The following EPB41L4A variants were observed in gnomAD, a reference collection of about 807,000 sequenced individuals.
EPB41L4A encodes band 4.1-like protein 4A.
A neutral mutation model predicts 108.6 loss-of-function variants in EPB41L4A; 100 were observed. The ratio of observed to expected loss-of-function variants is 0.92; its 90% CI spans 0.78 to 1.09. The LOEUF is 1.09. Among genes scored for constraint, EPB41L4A ranks in the 50% least tolerant of loss-of-function variants. The pLI is 0.00. For synonymous variants in EPB41L4A, 319 were observed against 289.0 expected (o/e 1.10, Z -1.05); for missense variants, 1,030 against 842.7 (o/e 1.22, Z -2.75).
chr5:112,359,040 C>G (rs781700289), intron 1 of EPB41L4A, among the ~76,000 whole-genome samples: 13 of 152,148 alleles, frequency 8.5e-5, no homozygotes, highest in Non-Finnish European at 1.6e-4. Flanking sequence ...TGGGTAGGTA[C>G]TGTTTGAAAA....
At chr5:112,411,100 G>C (rs932311502) in intron 1 of EPB41L4A, among the ~76,000 whole-genome samples, 1 of 152,158 alleles carries the variant, frequency 6.6e-6, no homozygotes, top group African/African-American at 2.4e-5. Context: ...TTTACTGATA[G>C]AGTGTGAGAT....
rs374928117 is a variant in EPB41L4A, at chr5:112,242,100, A to G, written c.796-1290T>C. On this transcript the variant is annotated intron_variant, in intron 9 of 22. Coordinates refer to ENST00000261486, the MANE Select transcript of EPB41L4A (RefSeq NM_022140.5). ...GTAGTTGCTGAAGGTTAGAGTGGCT[A>G]TATCAATTTCTTAAAATGAGACAAC... 2.3e-3 allele frequency among the ~76,000 whole-genome samples: 345 copies of G among 152,304 alleles called. 10 individuals are homozygous for G. The South Asian group carries it at 0.056, about 25-fold the overall frequency.
At chr5:112,305,432 G>A (rs1743939533) in intron 2 of EPB41L4A, among the ~76,000 whole-genome samples, 1 of 152,026 alleles carries the variant, frequency 6.6e-6, no homozygotes. Context: ...AAACCATTTG[G>A]TTTTTAAGAC....
At chr5:112,336,965 A>T (rs2150683531) in intron 1 of EPB41L4A, among the ~76,000 whole-genome samples, 1 of 152,220 alleles carries the variant, frequency 6.6e-6, no homozygotes, top group Non-Finnish European at 1.5e-5. Flanking sequence ...AACAAATACA[A>T]CCTGTCTGTA....
intron 1 of EPB41L4A, among the ~76,000 whole-genome samples, chr5:112,368,580 C>A (rs975247754): frequency 1.9e-4 from 29 of 152,148 alleles, no homozygotes; most frequent in African/African-American, 6.8e-4. Flanking sequence ...CCAGACGCCT[C>A]CTTTCCTTGA....
intron 1 of EPB41L4A, among the ~76,000 whole-genome samples, chr5:112,383,717 C>G (rs1760312786): frequency 6.6e-6 from 1 of 151,490 alleles, no homozygotes; most frequent in Non-Finnish European, 1.5e-5. Context: ...TTTTGGTACA[C>G]TAACAGACAA....
chr5:112,179,873 CTG>C (rs1267041817), intron 18 of EPB41L4A, among the ~76,000 whole-genome samples: 1 of 152,130 alleles, frequency 6.6e-6, no homozygotes, highest in Non-Finnish European at 1.5e-5. Context: ...TCAAGGAAAA[CTG>C]TTCACAAATA....
At chr5:112,313,467 T>C (rs1755178688) in intron 1 of EPB41L4A, among the ~76,000 whole-genome samples, 3 of 152,122 alleles carry the variant, frequency 2.0e-5, no homozygotes, top group Admixed American at 1.3e-4. Flanking sequence ...GGCGCGCGCC[T>C]GTAATCCCAG....
chr5:112,381,724 C>T (rs754877460), intron 1 of EPB41L4A, among the ~76,000 whole-genome samples: 1 of 152,248 alleles, frequency 6.6e-6, no homozygotes, highest in Non-Finnish European at 1.5e-5. Flanking sequence ...GCAGGACACA[C>T]GTCATCATGG....
chr5:112,266,223 T>G lies in EPB41L4A; in HGVS notation c.433+10A>C. 6.3e-7 allele frequency: 1 copy of G among 1,581,490 alleles called. No homozygotes were observed. Among genetic ancestry groups the G allele is most frequent in the Non-Finnish European group, 8.6e-7 (1 of 1,165,296 alleles). ...CATTTCTGAGGCAAATATGCTTAAGTGGCACCTACACTGGATGGCATACGC... is the reference window on the plus strand; with the variant it reads ...CATTTCTGAGGCAAATATGCTTAAGGGGCACCTACACTGGATGGCATACGC... On this transcript the variant is annotated intron_variant, in intron 5 of 22. Transcript: ENST00000261486.
At chr5:112,273,363 G>A (rs375801361) in intron 4 of EPB41L4A, among the ~76,000 whole-genome samples, 10 of 152,160 alleles carry the variant, frequency 6.6e-5, no homozygotes, top group East Asian at 1.9e-4. Flanking sequence ...CATGTATTCC[G>A]TTAATGAGCC....
intron 1 of EPB41L4A, among the ~76,000 whole-genome samples, chr5:112,390,785 A>C (rs1760884395): frequency 6.6e-6 from 1 of 151,864 alleles, no homozygotes; most frequent in Non-Finnish European, 1.5e-5. Flanking sequence ...ACTGGGAGAC[A>C]CCTCCCAGTA....
chr5:112,261,885 ATTTT>A (rs35793398), intron 7 of EPB41L4A, among the ~76,000 whole-genome samples: 10 of 112,478 alleles, frequency 8.9e-5, no homozygotes, highest in African/African-American at 3.1e-4. Flanking sequence ...TTACACACCA[ATTTT>A]TTTTTTTTTT....
At chr5:112,339,982 T>C (rs1315181165) in intron 1 of EPB41L4A, among the ~76,000 whole-genome samples, 1 of 152,276 alleles carries the variant, frequency 6.6e-6, no homozygotes, top group South Asian at 2.1e-4. Context: ...ACTCACGTCA[T>C]GTCACCCAGT....
rs182319537 is a variant in EPB41L4A at position 112,271,221 on chromosome 5, C to T, written c.335+4105G>A. Among the ~76,000 whole-genome samples, 463 of 152,256 alleles carry T rather than the reference C, an allele frequency of 3.0e-3. 9 individuals are homozygous for T. The highest frequency in any genetic ancestry group is 2.8e-3 in the Non-Finnish European group (190 of 68,026). On this transcript the variant is annotated intron_variant, in intron 4 of 22. Coordinates refer to ENST00000261486, the MANE Select transcript of EPB41L4A (RefSeq NM_022140.5). ...AAATGATTCATAGTTAAATCAGCAC[C>T]TACAATAAGAAGGATATGATTACTG... is the stretch of plus-strand genomic sequence containing the variant.
intron 2 of EPB41L4A, among the ~76,000 whole-genome samples, chr5:112,292,914 T>C (rs1045514139): frequency 4.6e-5 from 7 of 152,168 alleles, no homozygotes; most frequent in African/African-American, 1.7e-4. Flanking sequence ...CATTCTGATT[T>C]AACCGGGGAG....
rs1258789482 is a variant in EPB41L4A at position 112,163,385 on chromosome 5, A to G, written c.*1605T>C. 2 of 152,224 alleles carry G rather than the reference A, an allele frequency of 1.3e-5. No homozygotes were observed. Among genetic ancestry groups the G allele is most frequent in the Admixed American group, 6.5e-5 (1 of 15,286 alleles). 9.4% of individuals were successfully genotyped at this position (152,224 alleles called of 1,614,324 possible). A position where few individuals can be genotyped will look rare whatever the true frequency, so the allele number is the denominator to read the frequency against. On this transcript the variant is annotated 3_prime_UTR_variant, in exon 23 of 23. Coordinates refer to ENST00000261486, the MANE Select transcript of EPB41L4A (RefSeq NM_022140.5). ...GCAGTAGCACATTACTCAGTAGTCTAAACTACAGAAATAAACCTTAAGGCC... is the reference window on the plus strand; with the variant it reads ...GCAGTAGCACATTACTCAGTAGTCTGAACTACAGAAATAAACCTTAAGGCC...
intron 17 of EPB41L4A, among the ~76,000 whole-genome samples, chr5:112,187,980 T>C (rs1761510077): frequency 6.6e-6 from 1 of 152,234 alleles, no homozygotes; most frequent in Admixed American, 6.5e-5. Flanking sequence ...TATAAAATTA[T>C]GGCAAAGATC....
chr5:112,258,621 G>T (rs895282950), intron 9 of EPB41L4A, among the ~76,000 whole-genome samples: 1 of 151,986 alleles, frequency 6.6e-6, no homozygotes, highest in Non-Finnish European at 1.5e-5. Context: ...GCCTTCTTTC[G>T]ACCATTTTTC....
Sources: allele counts gnomAD v4.1 joint callset (sites outside exome capture counted in the v4.1 genomes callset), GRCh38; gene constraint gnomAD v4.1.1; transcripts MANE v1.5; gene names NCBI Gene and HGNC (gene_info 2026-07-23, HGNC 2026-07-21).